The following B3GAT2 variants were observed in gnomAD, a reference collection of about 807,000 sequenced individuals.
B3GAT2 encodes the protein galactosylgalactosylxylosylprotein 3-beta-glucuronosyltransferase 2.
In B3GAT2, 26 loss-of-function variants were observed where a neutral mutation model predicts 27.8. The observed-to-expected ratio is 0.93, with a 90% confidence interval of 0.68 to 1.30. The LOEUF is 1.30. Among genes scored for constraint, B3GAT2 ranks in the 50% most tolerant of loss-of-function variants. B3GAT2 has a pLI of 0.00. For synonymous variants in B3GAT2, 218 were observed against 195.1 expected, an observed-to-expected ratio of 1.12 and a Z score of -0.98; for missense variants, 458 against 459.0, an observed-to-expected ratio of 1.00 and a Z score of 0.02.
chr6:70,908,804 T>C (rs1772640629), intron 1 of B3GAT2, among the ~76,000 whole-genome samples: 3 of 152,130 alleles, frequency 2.0e-5, no homozygotes, highest in African/African-American at 7.2e-5. Flanking sequence ...ATCTCTATAC[T>C]CAAAATCTAA....
chr6:70,935,004 AC>A (rs1005750185), intron 1 of B3GAT2, among the ~76,000 whole-genome samples: 5 of 152,206 alleles, frequency 3.3e-5, no homozygotes, highest in African/African-American at 1.2e-4. Flanking sequence ...GCTGATAGCC[AC>A]AGGATTATAA....
Position 70,956,737 on chromosome 6 carries a change from C to G in B3GAT2, c.-308G>C, listed in dbSNP as rs1582407599. The G allele has an allele frequency of 1.6e-6, 2 of 1,288,484 alleles. No homozygotes were observed. The highest frequency in any genetic ancestry group is 9.8e-7 in the Non-Finnish European group (1 of 1,015,920). 79.8% of individuals were successfully genotyped at this position (1,288,484 alleles called of 1,614,324 possible). A position where few individuals can be genotyped will look rare whatever the true frequency, so the allele number is the denominator to read the frequency against. On this transcript the variant is annotated 5_prime_UTR_variant, in exon 1 of 4. Coordinates refer to ENST00000230053, the MANE Select transcript of B3GAT2 (RefSeq NM_080742.3). ...CGCGCCGCCGGTCCCGGAGTTGTGC[C>G]GAGTGCGGGAAAGGCGCTGATCCCC...
At chr6:70,867,399 A>G (rs958075118) in intron 2 of B3GAT2, among the ~76,000 whole-genome samples, 1 of 151,930 alleles carries the variant, frequency 6.6e-6, no homozygotes, top group African/African-American at 2.4e-5. Flanking sequence ...GTCATTTAGG[A>G]AAAAAAAGTT....
chr6:70,879,960 G>A (rs1175767667), intron 2 of B3GAT2, among the ~76,000 whole-genome samples: 1 of 152,122 alleles, frequency 6.6e-6, no homozygotes, highest in African/African-American at 2.4e-5. Context: ...TGCAAGGGGA[G>A]CTGCAGAAAT....
rs758073006 is a variant in B3GAT2 at position 70,914,820 on chromosome 6, G to A, written c.592-20548C>T. The stretch of plus-strand genomic sequence containing the variant: ...CAGTCTATTATTGATGGACATCTGG[G>A]TTGGTTCCAAGTCTTTGCTATTGTA... On this transcript the variant is annotated intron_variant, in intron 1 of 3. Transcript: ENST00000230053. Among the ~76,000 whole-genome samples the A allele has an allele frequency of 3.3e-4, 50 of 152,088 alleles. 1 individual carries two copies. Among genetic ancestry groups the A allele is most frequent in the Non-Finnish European group, 2.1e-4 (14 of 68,026 alleles).
intron 2 of B3GAT2, among the ~76,000 whole-genome samples, chr6:70,865,366 C>G (rs554293070): frequency 6.6e-6 from 1 of 152,182 alleles, no homozygotes; most frequent in Non-Finnish European, 1.5e-5. Flanking sequence ...TATCTGCCCC[C>G]CTCGGCCTCC....
At chr6:70,921,253 C>G (rs956699807) in intron 1 of B3GAT2, among the ~76,000 whole-genome samples, 1 of 152,056 alleles carries the variant, frequency 6.6e-6, no homozygotes, top group Non-Finnish European at 1.5e-5. Context: ...TACCTAATCT[C>G]ATATTTCTCA....
At chr6:70,867,824 G>C (rs1223494680) in intron 2 of B3GAT2, among the ~76,000 whole-genome samples, 1 of 152,052 alleles carries the variant, frequency 6.6e-6, no homozygotes, top group Non-Finnish European at 1.5e-5. Context: ...TGTAAGACCA[G>C]CATTGCCCTG....
chr6:70,907,021 C>T (rs900351787), intron 1 of B3GAT2, among the ~76,000 whole-genome samples: 13 of 152,168 alleles, frequency 8.5e-5, no homozygotes, highest in Admixed American at 2.6e-4. Flanking sequence ...ACAAACTTTA[C>T]CATGAAACCT....
chr6:70,893,285 C>A (rs1372131956), intron 2 of B3GAT2, among the ~76,000 whole-genome samples: 3 of 152,128 alleles, frequency 2.0e-5, no homozygotes, highest in African/African-American at 4.8e-5. Flanking sequence ...GAAATATGCA[C>A]AGAAGATGGG....
chr6:70,935,939 T>A (rs560616430), intron 1 of B3GAT2, among the ~76,000 whole-genome samples: 2 of 151,756 alleles, frequency 1.3e-5, no homozygotes, highest in South Asian at 2.1e-4. Context: ...AATGCTCCAA[T>A]TAAAAGACAC....
chr6:70,938,901 G>C (rs1340209187), intron 1 of B3GAT2, among the ~76,000 whole-genome samples: 2 of 151,620 alleles, frequency 1.3e-5, no homozygotes, highest in Non-Finnish European at 2.9e-5. Flanking sequence ...TGACAAATGG[G>C]ATCTAATTAA....
chr6:70,905,557 T>C (rs1203305800), intron 1 of B3GAT2, among the ~76,000 whole-genome samples: 1 of 152,230 alleles, frequency 6.6e-6, no homozygotes, highest in East Asian at 1.9e-4. Context: ...AATTGGATTA[T>C]TTGCTACATA....
chr6:70,933,170 G>A (rs1213452290), intron 1 of B3GAT2, among the ~76,000 whole-genome samples: 2 of 152,096 alleles, frequency 1.3e-5, no homozygotes, highest in Non-Finnish European at 2.9e-5. Flanking sequence ...TTAAACTATA[G>A]GACAATCAAC....
In B3GAT2 at chr6:70,894,154, T is replaced by C; in HGVS notation, c.710A>G (p.Asp237Gly). The change falls in exon 2 of 4, where the codon GAC becomes GGC. Residue 237 changes from aspartate (D) to glycine (G), a missense_variant. By Grantham distance (94) the Asp-to-Gly change is moderately conservative. Coordinates refer to ENST00000230053, the MANE Select transcript of B3GAT2 (RefSeq NM_080742.3). Reference protein sequence around the residue: ...VVGWYTGWRADRPFAIDMAGF... With the variant: ...VVGWYTGWRAGRPFAIDMAGF... ...TGCCATGTCGATGGCAAAAGGCCTG[T>C]CTGCTCTCCAGCCGGTGTACCAGCC... 1 of 1,613,300 alleles carries C rather than the reference T, an allele frequency of 6.2e-7. No individual in the cohort carries two copies. Among genetic ancestry groups the C allele is most frequent in the South Asian group, 1.1e-5 (1 of 90,922 alleles).
At chr6:70,870,091 C>T (rs1409959052) in intron 2 of B3GAT2, among the ~76,000 whole-genome samples, 38 of 151,678 alleles carry the variant, frequency 2.5e-4, no homozygotes, top group African/African-American at 7.5e-4. Context: ...CACATGCACA[C>T]GTATGTTTAT....
chr6:70,911,195 G>T (rs987280606), intron 1 of B3GAT2, among the ~76,000 whole-genome samples: 1 of 151,804 alleles, frequency 6.6e-6, no homozygotes, highest in Admixed American at 6.6e-5. Context: ...TTTTTTTGTT[G>T]CAATTGCTTT....
chr6:70,896,720 CT>C (rs145269385), intron 1 of B3GAT2, among the ~76,000 whole-genome samples: 6,463 of 152,224 alleles, frequency 0.042, 189 homozygotes, highest in African/African-American at 0.079. Context: ...GATTCATCTA[CT>C]TGTAATGTAC....
intron 1 of B3GAT2, among the ~76,000 whole-genome samples, chr6:70,917,846 T>A (rs1459622327): frequency 6.6e-6 from 1 of 152,204 alleles, no homozygotes; most frequent in Non-Finnish European, 1.5e-5. Context: ...ATAAGTGTGA[T>A]GTGGGGCTGA....
Sources: allele counts gnomAD v4.1 joint callset (sites outside exome capture counted in the v4.1 genomes callset), GRCh38; gene constraint gnomAD v4.1.1; transcripts MANE v1.5; gene names NCBI Gene and HGNC (gene_info 2026-07-23, HGNC 2026-07-21).